C1GALT1: variants seen among roughly 807,000 people sequenced by gnomAD.
C1GALT1 encodes the protein glycoprotein-N-acetylgalactosamine 3-beta-galactosyltransferase 1.
C1GALT1 carries 11 observed loss-of-function variants against 31.0 expected under a neutral mutation model. The ratio of observed to expected loss-of-function variants is 0.36; its 90% confidence interval spans 0.22 to 0.59. The LOEUF is 0.59. Among genes scored for constraint, C1GALT1 ranks in the 20% least tolerant of loss-of-function variants. C1GALT1 has a pLI of 0.79. For missense variants in C1GALT1, 424 were observed against 425.2 expected, an observed-to-expected ratio of 1.00 and a Z score of 0.03; for synonymous variants, 175 against 143.6, an observed-to-expected ratio of 1.22 and a Z score of -1.56.
chr7:7,198,902 G>C (rs993877248), intron 1 of C1GALT1, among the ~76,000 whole-genome samples: 1 of 151,992 alleles, frequency 6.6e-6, no homozygotes, highest in Admixed American at 6.6e-5. Context: ...ATTTTTTATT[G>C]CATCTATTTG....
At chr7:7,189,657 T>C (rs1780972143) in intron 1 of C1GALT1, among the ~76,000 whole-genome samples, 3 of 152,110 alleles carry the variant, frequency 2.0e-5, no homozygotes, top group Admixed American at 2.0e-4. Flanking sequence ...CATAAAGAAA[T>C]ATGCCCTTTA....
At chr7:7,242,445 A>G (rs1052066576) in intron 3 of C1GALT1, among the ~76,000 whole-genome samples, 29 of 152,194 alleles carry the variant, frequency 1.9e-4, no homozygotes, top group African/African-American at 6.5e-4. Context: ...GGACAGTTTG[A>G]TAATTTTTAC....
chr7:7,243,766 C>A lies in C1GALT1; in HGVS notation c.*39C>A. On this transcript the variant is annotated 3_prime_UTR_variant, in exon 4 of 4. Transcript: ENST00000436587. ...ATGAACAAAGGTAATATGTCTAGCA[C>A]TGCACTGAAAAAGGACTTCTGCATT... 3 of 1,433,798 alleles carry A rather than the reference C, an allele frequency of 2.1e-6. No individual in the cohort carries two copies. The highest frequency in any genetic ancestry group is 4.4e-5 in the Admixed American group (2 of 45,194). The allele number at this position is 1,433,798 out of a possible 1,614,324, so 88.8% of individuals were successfully genotyped here.
chr7:7,187,461 T>C (rs1276526860), intron 1 of C1GALT1, among the ~76,000 whole-genome samples: 2 of 152,140 alleles, frequency 1.3e-5, no homozygotes, highest in East Asian at 1.9e-4. Flanking sequence ...GGGAGATCTT[T>C]TATGTAAATG....
intron 1 of C1GALT1, among the ~76,000 whole-genome samples, chr7:7,209,796 A>C (rs1441047805): frequency 2.6e-5 from 4 of 152,136 alleles, no homozygotes; most frequent in Non-Finnish European, 5.9e-5. Flanking sequence ...TTTTTATTTC[A>C]CCTGGGTGCA....
chr7:7,191,120 A>G (rs1171957680), intron 1 of C1GALT1, among the ~76,000 whole-genome samples: 1 of 152,094 alleles, frequency 6.6e-6, no homozygotes, highest in South Asian at 2.1e-4. Context: ...GAAGCTCTAT[A>G]TCCGTTTAAA....
intron 1 of C1GALT1, among the ~76,000 whole-genome samples, chr7:7,201,943 C>T (rs1781547307): frequency 6.6e-6 from 1 of 152,220 alleles, no homozygotes; most frequent in Admixed American, 6.5e-5. Flanking sequence ...CCCAATTCCA[C>T]TGGCAGCTCT....
intron 1 of C1GALT1, among the ~76,000 whole-genome samples, chr7:7,187,154 G>T (rs10260209): frequency 0.032 from 4,902 of 152,272 alleles, 277 homozygotes; most frequent in African/African-American, 0.11. Flanking sequence ...CACAGTAAAT[G>T]GTTTGAAAAG....
chr7:7,238,231 C>G lies in C1GALT1; in HGVS notation c.221-24C>G. The G allele has an allele frequency of 6.5e-7, 1 of 1,542,816 alleles. No homozygotes were observed. The highest frequency in any genetic ancestry group is 8.7e-7 in the Non-Finnish European group (1 of 1,145,604). ...TGGATTTTACATCTATGTAAATAACCTTTTAAAATGTTTTGTTTAATAGAT... is the reference window on the plus strand; with the variant it reads ...TGGATTTTACATCTATGTAAATAACGTTTTAAAATGTTTTGTTTAATAGAT... On this transcript the variant is annotated intron_variant, in intron 2 of 3. Coordinates refer to ENST00000436587, the MANE Select transcript of C1GALT1 (RefSeq NM_020156.5). This position sits in a 1 kb window ranked among gnomAD's most constrained non-coding sequence, Gnocchi z 5.2.
chr7:7,183,179 G>A (rs2128228729), intron 1 of C1GALT1, among the ~76,000 whole-genome samples: 1 of 147,904 alleles, frequency 6.8e-6, no homozygotes, highest in African/African-American at 2.5e-5. Context: ...CGCCCGGACC[G>A]GACCACTTAG....
chr7:7,234,748 A>G lies in C1GALT1; in HGVS notation c.220+209A>G, dbSNP rs1783256650. 8.9e-6 allele frequency: 4 copies of G among 450,624 alleles called. No individual in the cohort carries two copies. The East Asian group carries it at 1.5e-4, about 17-fold the overall frequency. 27.9% of individuals were successfully genotyped at this position (450,624 alleles called of 1,614,324 possible). On this transcript the variant is annotated intron_variant, in intron 2 of 3. Transcript: ENST00000436587. Reference sequence around the variant, plus strand: ...TTTGAATTCGTTTTTAAGTAGAAATAGTTCAGAACCCATGATTTGGGGAAG... The same window carrying G: ...TTTGAATTCGTTTTTAAGTAGAAATGGTTCAGAACCCATGATTTGGGGAAG...
chr7:7,173,376 G>A (rs1429226188), intron 2 of C1GALT1, among the ~76,000 whole-genome samples: 5 of 151,908 alleles, frequency 3.3e-5, no homozygotes, highest in Non-Finnish European at 5.9e-5. Context: ...CATGCTTCCT[G>A]TAAAGACTGC....
rs556048597 is a variant in C1GALT1 at position 7,170,989 on chromosome 7, T to G, written c.-18+13563T>G. 8.5e-5 allele frequency among the ~76,000 whole-genome samples: 13 copies of G among 152,336 alleles called. No homozygotes were observed. The South Asian group carries it at 2.7e-3, about 32-fold the overall frequency. On this transcript the variant is annotated intron_variant, in intron 2 of 3. Coordinates refer to the C1GALT1 transcript ENST00000429911. ...GTCAGAAAAGATACTGTGTATGATT[T>G]CAACTTTTTAAAATTTATTCACTTG...
intron 1 of C1GALT1, among the ~76,000 whole-genome samples, chr7:7,201,647 C>G (rs147592954): frequency 1.4e-3 from 207 of 152,326 alleles, no homozygotes; most frequent in Non-Finnish European, 2.4e-3. Flanking sequence ...CCACAAAGCC[C>G]GAAAGGCCAG....
At chr7:7,242,959 A>C (rs1273184610) in intron 3 of C1GALT1, among the ~76,000 whole-genome samples, 3 of 152,118 alleles carry the variant, frequency 2.0e-5, no homozygotes, top group Admixed American at 2.0e-4. Flanking sequence ...TAACTTACTC[A>C]AGGTCGTATA....
chr7:7,200,335 A>G (rs1272988356), intron 1 of C1GALT1, among the ~76,000 whole-genome samples: 1 of 152,220 alleles, frequency 6.6e-6, no homozygotes, highest in African/African-American at 2.4e-5. Context: ...TCTGGGTTAG[A>G]AATTCTTTTC....
At chr7:7,222,627 C>T (rs888450522) in intron 1 of C1GALT1, among the ~76,000 whole-genome samples, 1 of 152,162 alleles carries the variant, frequency 6.6e-6, no homozygotes, top group African/African-American at 2.4e-5. Context: ...CTAATTGAGA[C>T]AGTTTGATTA....
At chr7:7,225,043 G>C (rs201602232) in intron 1 of C1GALT1, among the ~76,000 whole-genome samples, 2 of 112,622 alleles carry the variant, frequency 1.8e-5, no homozygotes, top group Admixed American at 8.5e-5. Flanking sequence ...TTAGTTACAA[G>C]TGAGAACTAA....
intron 1 of C1GALT1, among the ~76,000 whole-genome samples, chr7:7,183,825 T>G (rs1312157111): frequency 6.6e-6 from 1 of 152,222 alleles, no homozygotes; most frequent in Non-Finnish European, 1.5e-5. Flanking sequence ...GATAGAAAAC[T>G]ATTGTGCTAA....
Sources: allele counts gnomAD v4.1 joint callset (sites outside exome capture counted in the v4.1 genomes callset), GRCh38; gene constraint gnomAD v4.1.1; non-coding constraint Gnocchi (gnomAD v3.1); transcripts MANE v1.5; gene names NCBI Gene and HGNC (gene_info 2026-07-23, HGNC 2026-07-21).